AGBL4: variants seen among roughly 807,000 people sequenced by gnomAD.
The protein encoded by AGBL4 is AGBL carboxypeptidase 4.
AGBL4 carries 58 observed loss-of-function variants against 66.4 expected under a neutral mutation model. That is an observed-to-expected ratio of 0.87 (90% CI 0.71 to 1.09). The LOEUF is 1.09. Ranked by LOEUF, AGBL4 falls within the 50% of genes least tolerant of loss-of-function variation. AGBL4 has a pLI of 0.00. For synonymous variants in AGBL4, 234 were observed against 222.9 expected (o/e 1.05, Z -0.44); for missense variants, 579 against 631.0 (o/e 0.92, Z 0.88).
At chr1:49,122,022 C>A (rs551931160) in intron 4 of AGBL4, among the ~76,000 whole-genome samples, 46 of 152,344 alleles carry the variant, frequency 3.0e-4, no homozygotes, top group African/African-American at 1.0e-3. Context: ...GAGCCAGGCA[C>A]GGGAGAGAAT....
intron 1 of AGBL4, 140 bp downstream of exon 1, chr1:50,023,623 T>C (rs890352430): frequency 9.4e-7 from 1 of 1,068,798 alleles, no homozygotes; most frequent in East Asian, 3.1e-5. Context: ...CCTTGACCCC[T>C]GACCCTGAAG....
At chr1:48,806,737 A>G (rs1199117417) in intron 6 of AGBL4, among the ~76,000 whole-genome samples, 2 of 152,206 alleles carry the variant, frequency 1.3e-5, no homozygotes, top group Non-Finnish European at 2.9e-5. Flanking sequence ...GCCATTTGGT[A>G]AGAGAAAAAG....
At chr1:49,100,067 C>T (rs1645173465) in intron 4 of AGBL4, among the ~76,000 whole-genome samples, 1 of 152,100 alleles carries the variant, frequency 6.6e-6, no homozygotes, top group Non-Finnish European at 1.5e-5. Context: ...TCAGATTCTC[C>T]ATGAAGCAAA....
intron 3 of AGBL4, among the ~76,000 whole-genome samples, chr1:49,522,022 C>A (rs971692458): frequency 2.0e-5 from 3 of 152,010 alleles, no homozygotes; most frequent in African/African-American, 7.2e-5. Context: ...ATTCAATAAA[C>A]CCATGTAATA....
chr1:49,896,539 G>T (rs1571825986), intron 1 of AGBL4, among the ~76,000 whole-genome samples: 1 of 151,324 alleles, frequency 6.6e-6, no homozygotes, highest in Non-Finnish European at 1.5e-5. Context: ...GACGAGGAGA[G>T]AATACTTCTA....
At chr1:49,094,088 T>C (rs1326168735) in intron 4 of AGBL4, among the ~76,000 whole-genome samples, 10 of 152,120 alleles carry the variant, frequency 6.6e-5, no homozygotes, top group Non-Finnish European at 1.3e-4. Flanking sequence ...ATGAAAAGGA[T>C]GGAATAGGCC....
chr1:49,271,329 T>C (rs1644052904), intron 3 of AGBL4, among the ~76,000 whole-genome samples: 1 of 151,998 alleles, frequency 6.6e-6, no homozygotes, highest in African/African-American at 2.4e-5. Context: ...AACTTTCCTT[T>C]CTGTAAACTC....
chr1:49,857,424 G>A (rs568258572), intron 1 of AGBL4, among the ~76,000 whole-genome samples: 23 of 152,016 alleles, frequency 1.5e-4, no homozygotes, highest in Admixed American at 5.9e-4. Flanking sequence ...CAACAACATT[G>A]AGCAAACAGA....
intron 5 of AGBL4, among the ~76,000 whole-genome samples, chr1:48,957,181 C>A (rs112309272): frequency 6.6e-6 from 1 of 152,016 alleles, no homozygotes; most frequent in Non-Finnish European, 1.5e-5. Context: ...TATATATGTA[C>A]CTATAAGCAA....
intron 6 of AGBL4, among the ~76,000 whole-genome samples, chr1:48,712,154 T>C (rs1646977734): frequency 1.3e-5 from 2 of 152,196 alleles, no homozygotes; most frequent in Admixed American, 1.3e-4. Context: ...GCCCATTCCC[T>C]TTCCTGAGGC....
At chr1:49,043,290 T>C (rs1348939074) in intron 5 of AGBL4, among the ~76,000 whole-genome samples, 1 of 152,186 alleles carries the variant, frequency 6.6e-6, no homozygotes, top group Non-Finnish European at 1.5e-5. Flanking sequence ...CTCTGGATTC[T>C]GGTTGTGTTG....
chr1:49,364,779 A>G (rs1463652152), intron 3 of AGBL4, among the ~76,000 whole-genome samples: 1 of 152,164 alleles, frequency 6.6e-6, no homozygotes, highest in African/African-American at 2.4e-5. Context: ...TGCCGGGCCC[A>G]TGTGCGTACT....
intron 1 of AGBL4, among the ~76,000 whole-genome samples, chr1:49,884,275 T>C (rs1264702855): frequency 2.0e-5 from 3 of 151,936 alleles, no homozygotes; most frequent in Admixed American, 6.6e-5. Context: ...TTGAGTCTGT[T>C]TATTTCCCTT....
At chr1:49,880,669 G>C (rs947106165) in intron 1 of AGBL4, among the ~76,000 whole-genome samples, 1 of 152,180 alleles carries the variant, frequency 6.6e-6, no homozygotes, top group Non-Finnish European at 1.5e-5. Flanking sequence ...AAGCCTCCTT[G>C]ACCTGTGGTG....
At chr1:48,965,703 G>T (rs943095601) in intron 5 of AGBL4, among the ~76,000 whole-genome samples, 4 of 152,166 alleles carry the variant, frequency 2.6e-5, no homozygotes, top group Non-Finnish European at 4.4e-5. Flanking sequence ...GACATAGGCA[G>T]GGTTGGCAGA....
At chr1:48,846,325 T>A (rs951367479) in intron 6 of AGBL4, among the ~76,000 whole-genome samples, 1 of 137,248 alleles carries the variant, frequency 7.3e-6, no homozygotes, top group Non-Finnish European at 1.6e-5. Flanking sequence ...GATAGATAGA[T>A]CGATAGATAA....
chr1:48,923,734 C>T (rs1654286755), intron 5 of AGBL4, among the ~76,000 whole-genome samples: 1 of 152,154 alleles, frequency 6.6e-6, no homozygotes, highest in African/African-American at 2.4e-5. Context: ...TTACTTTTAT[C>T]TTCATTATGG....
intron 5 of AGBL4, among the ~76,000 whole-genome samples, chr1:49,045,152 T>G (rs1156883577): frequency 6.6e-6 from 1 of 152,220 alleles, no homozygotes; most frequent in East Asian, 1.9e-4. Flanking sequence ...TAACCTGTAC[T>G]GCAGGCAAGT....
chr1:49,946,174 A>G (rs1031662980), intron 1 of AGBL4, among the ~76,000 whole-genome samples: 4 of 134,460 alleles, frequency 3.0e-5, no homozygotes, highest in African/African-American at 1.0e-4. Context: ...CAACAACAAT[A>G]AAAAAAATTT....
Sources: allele counts gnomAD v4.1 joint callset (sites outside exome capture counted in the v4.1 genomes callset), GRCh38; gene constraint gnomAD v4.1.1; transcripts MANE v1.5; gene names NCBI Gene and HGNC (gene_info 2026-07-23, HGNC 2026-07-21).